Variants in GRK3 observed in about 807,000 individuals in gnomAD.
GRK3 encodes the protein adrenergic, beta, receptor kinase 2.
Under a neutral mutation model 95.7 loss-of-function variants are expected in GRK3, and 54 were observed. The observed-to-expected ratio is 0.56, with a 90% confidence interval of 0.45 to 0.71. GRK3 has a LOEUF of 0.71. Among genes scored for constraint, GRK3 ranks in the 30% least tolerant of loss-of-function variants. The pLI, the probability that GRK3 is intolerant of heterozygous loss-of-function variation, is 0.00. For synonymous variants in GRK3, 281 were observed against 290.8 expected (o/e 0.97, Z 0.34); for missense variants, 649 against 851.2 (o/e 0.76, Z 2.96).
chr22:25,688,198 T>C (rs2085136406), intron 11 of GRK3, among the ~76,000 whole-genome samples: 1 of 138,724 alleles, frequency 7.2e-6, no homozygotes, highest in Admixed American at 8.0e-5. Flanking sequence ...ATTGCACCAC[T>C]GCACTCCAGC....
intron 9 of GRK3, among the ~76,000 whole-genome samples, chr22:25,683,807 C>T (rs1480407613): frequency 6.6e-6 from 1 of 151,992 alleles, no homozygotes; most frequent in Non-Finnish European, 1.5e-5. Context: ...ATATCTTCTC[C>T]CATCCTGTGG....
intron 11 of GRK3, among the ~76,000 whole-genome samples, chr22:25,688,030 A>G (rs1318784780): frequency 2.0e-5 from 3 of 152,134 alleles, no homozygotes. Flanking sequence ...AGGTCAGGAG[A>G]TCAAGGCCAT....
chr22:25,592,097 C>A (rs1402278394), intron 1 of GRK3, among the ~76,000 whole-genome samples: 1 of 152,172 alleles, frequency 6.6e-6, no homozygotes, highest in Non-Finnish European at 1.5e-5. Flanking sequence ...ATTTGACATT[C>A]CCACTAGCAG....
intron 1 of GRK3, among the ~76,000 whole-genome samples, chr22:25,572,693 C>A (rs1034054663): frequency 6.6e-5 from 10 of 152,124 alleles, no homozygotes; most frequent in African/African-American, 2.4e-4. Context: ...GAGTTGCAAG[C>A]CTGCTACTTA....
intron 3 of GRK3, chr22:25,647,535 T>C: frequency 6.5e-7 from 1 of 1,534,928 alleles, no homozygotes; most frequent in South Asian, 1.1e-5. Context: ...GCTTAACACG[T>C]GGTGTTACTA....
At chr22:25,695,636 A>G (rs1387184639) in intron 13 of GRK3, among the ~76,000 whole-genome samples, 1 of 152,104 alleles carries the variant, frequency 6.6e-6, no homozygotes, top group Non-Finnish European at 1.5e-5. Flanking sequence ...ATGAAAACCC[A>G]AAGTAAACCT....
At chr22:25,669,768 G>A (rs2084966759) in intron 6 of GRK3, among the ~76,000 whole-genome samples, 1 of 152,198 alleles carries the variant, frequency 6.6e-6, no homozygotes, top group African/African-American at 2.4e-5. Context: ...GGCAAAATAT[G>A]TAGGCACTTC....
At chr22:25,614,507 G>A (rs1276087152) in intron 2 of GRK3, among the ~76,000 whole-genome samples, 1 of 152,112 alleles carries the variant, frequency 6.6e-6, no homozygotes. Flanking sequence ...AATACTATTA[G>A]TCCATAATTG....
intron 20 of GRK3, 99 bp downstream of exon 20, chr22:25,721,496 C>G: frequency 1.4e-6 from 1 of 700,542 alleles, no homozygotes; most frequent in South Asian, 1.7e-5. Context: ...CATGTTTTAT[C>G]ACTTACAAAC....
chr22:25,610,693 G>A (rs2084490173), intron 2 of GRK3, among the ~76,000 whole-genome samples: 1 of 152,122 alleles, frequency 6.6e-6, no homozygotes, highest in African/African-American at 2.4e-5. Context: ...GCCTTTTCTA[G>A]ACATTTCATA....
chr22:25,645,204 A>C (rs1210321232), intron 3 of GRK3, among the ~76,000 whole-genome samples: 1 of 152,176 alleles, frequency 6.6e-6, no homozygotes, highest in African/African-American at 2.4e-5. Context: ...GGCACATTGA[A>C]ATCTCCTACA....
chr22:25,589,871 A>G (rs529300476), intron 1 of GRK3, among the ~76,000 whole-genome samples: 7 of 152,322 alleles, frequency 4.6e-5, no homozygotes, highest in Non-Finnish European at 7.3e-5. Flanking sequence ...CATGTCTTAC[A>G]TGGCAGCAGG....
At chr22:25,716,915 C>T (rs1247008044) in intron 18 of GRK3, among the ~76,000 whole-genome samples, 2 of 152,178 alleles carry the variant, frequency 1.3e-5, no homozygotes, top group South Asian at 2.1e-4. Context: ...CAAACCCTAT[C>T]ATGAACTGCG....
rs374205383 is a variant in GRK3, at chr22:25,608,360, A to G, written c.190+3907A>G. Among the ~76,000 whole-genome samples, 12 of 152,206 alleles carry G rather than the reference A, an allele frequency of 7.9e-5. 1 individual carries two copies. The East Asian group carries it at 1.7e-3, about 22-fold the overall frequency. ...AGTTGCCTTTAAATATATTTTAATT[A>G]GAAAGGTACGTGTTCATGGTGCAGC... On this transcript the variant is annotated intron_variant, in intron 2 of 20. Transcript: ENST00000324198.
At chr22:25,573,569 C>T (rs190325403) in intron 1 of GRK3, among the ~76,000 whole-genome samples, 2 of 152,236 alleles carry the variant, frequency 1.3e-5, no homozygotes, top group Admixed American at 1.3e-4. Flanking sequence ...AGAAAGTGAG[C>T]TTTAAATATG....
intron 1 of GRK3, among the ~76,000 whole-genome samples, chr22:25,593,072 T>A (rs1304218635): frequency 6.6e-6 from 1 of 152,174 alleles, no homozygotes; most frequent in Non-Finnish European, 1.5e-5. Flanking sequence ...TTGATGGGCA[T>A]GTAGGTTGAT....
At chr22:25,655,480 T>A (rs911621383) in intron 3 of GRK3, among the ~76,000 whole-genome samples, 7 of 152,202 alleles carry the variant, frequency 4.6e-5, no homozygotes, top group Non-Finnish European at 5.9e-5. Context: ...AGCAAGTCTG[T>A]TTGTGCAGCT....
intron 1 of GRK3, among the ~76,000 whole-genome samples, chr22:25,590,215 C>G (rs1028023424): frequency 6.6e-6 from 1 of 152,006 alleles, no homozygotes; most frequent in Non-Finnish European, 1.5e-5. Flanking sequence ...AAAACTCTTT[C>G]AGAATACAAA....
At chr22:25,650,045 G>A (rs1331881665) in intron 3 of GRK3, among the ~76,000 whole-genome samples, 4 of 151,050 alleles carry the variant, frequency 2.6e-5, no homozygotes, top group Non-Finnish European at 5.9e-5. Flanking sequence ...AGGCTAGAGT[G>A]CATTGGCGCC....
Sources: gnomAD v4.1 joint callset for allele counts (sites outside exome capture counted in the v4.1 genomes callset) on GRCh38, gnomAD v4.1.1 for gene constraint, MANE v1.5 for transcripts, NCBI Gene and HGNC (gene_info 2026-07-23, HGNC 2026-07-21) for gene names.